Variants in MAML3 observed in about 807,000 individuals in gnomAD.
MAML3 encodes the protein mastermind like transcriptional coactivator 3.
A neutral mutation model predicts 101.9 loss-of-function variants in MAML3; 27 were observed. That is an observed-to-expected ratio of 0.27 (90% confidence interval 0.20 to 0.37). The LOEUF is 0.37. Among genes scored for constraint, MAML3 ranks in the 10% least tolerant of loss-of-function variants. MAML3 has a pLI of 1.00. For synonymous variants in MAML3, 501 were observed against 555.9 expected, an observed-to-expected ratio of 0.90 and a Z score of 1.39; for missense variants, 1,316 against 1,444.9, an observed-to-expected ratio of 0.91 and a Z score of 1.45.
chr4:139,859,988 G>A (rs998997000), intron 2 of MAML3, among the ~76,000 whole-genome samples: 1 of 152,218 alleles, frequency 6.6e-6, no homozygotes, highest in African/African-American at 2.4e-5. Flanking sequence ...CGCGGGAGGG[G>A]CTAGAGGAGC....
intron 2 of MAML3, among the ~76,000 whole-genome samples, chr4:139,859,760 C>T (rs977217418): frequency 7.9e-5 from 12 of 152,184 alleles, no homozygotes; most frequent in Non-Finnish European, 1.6e-4. Flanking sequence ...GGTTAATTAC[C>T]TTGCTTGTAA....
chr4:139,912,650 G>A (rs539414261), intron 1 of MAML3, among the ~76,000 whole-genome samples: 1 of 151,862 alleles, frequency 6.6e-6, no homozygotes, highest in South Asian at 2.1e-4. Flanking sequence ...CTTATAAGAC[G>A]ACAGCCATGT....
intron 2 of MAML3, among the ~76,000 whole-genome samples, chr4:139,837,135 A>AG (rs1553959600): frequency 1.3e-5 from 2 of 150,526 alleles, no homozygotes; most frequent in African/African-American, 2.4e-5. Context: ...AAAAAAAAAA[A>AG]AAAAGAAAAG....
chr4:140,065,761 A>G (rs891443461), intron 1 of MAML3, among the ~76,000 whole-genome samples: 4 of 152,150 alleles, frequency 2.6e-5, no homozygotes, highest in East Asian at 1.9e-4. Context: ...CTATAGACCA[A>G]TTGAATCCAT....
chr4:139,957,636 C>G (rs932835612), intron 1 of MAML3, among the ~76,000 whole-genome samples: 3 of 152,206 alleles, frequency 2.0e-5, no homozygotes, highest in Non-Finnish European at 1.5e-5. Context: ...TCCTGCACAT[C>G]AAGCAAATCT....
chr4:139,890,547 T>A lies in MAML3; in HGVS notation c.889A>T (p.Lys297Ter). The A allele has an allele frequency of 1.2e-6, 2 of 1,614,026 alleles. No individual in the cohort carries two copies. Among genetic ancestry groups the A allele is most frequent in the Non-Finnish European group, 1.7e-6 (2 of 1,179,900 alleles). ...TSETSLSNQNKLFSDINLNDQ... is the reference protein window; with the variant it reads ...TSETSLSNQN ...TTCAGATTAATGTCTGAGAACAGCT[T>A]GTTCTGATTTGAAAGAGATGTTTCT... Residue 297 changes from lysine (K) to a stop codon, truncating the protein, a stop_gained, in exon 2 of 5, where the codon AAG (lysine) becomes TAG (stop). Coordinates refer to ENST00000509479, the MANE Select transcript of MAML3 (RefSeq NM_018717.5). LOFTEE classifies it high-confidence loss of function. This position sits in a 1 kb window ranked among gnomAD's most constrained non-coding sequence, Gnocchi z 4.1.
chr4:140,136,365 T>A (rs1728882460), intron 1 of MAML3, among the ~76,000 whole-genome samples: 2 of 152,132 alleles, frequency 1.3e-5, no homozygotes, highest in African/African-American at 4.8e-5. Context: ...GATACATCCC[T>A]TCCCCTCCTC....
At chr4:139,912,884 A>G (rs761891400) in intron 1 of MAML3, among the ~76,000 whole-genome samples, 1 of 151,050 alleles carries the variant, frequency 6.6e-6, no homozygotes, top group Non-Finnish European at 1.5e-5. Flanking sequence ...GAGACAATCC[A>G]TTTCTAGTGT....
chr4:139,809,864 G>A (rs569027979), intron 2 of MAML3, among the ~76,000 whole-genome samples: 4 of 88,686 alleles, frequency 4.5e-5, no homozygotes, highest in South Asian at 3.6e-4. Context: ...ATACCTGCAC[G>A]TACACACACA....
At position 139,787,635 on chromosome 4, in the gene MAML3, T is replaced by C. The variant is rs149942630; in HGVS notation, c.2080-56968A>G. 2.6e-5 allele frequency among the ~76,000 whole-genome samples: 4 copies of C among 152,376 alleles called. No homozygotes were observed. The East Asian group carries it at 5.8e-4, about 22-fold the overall frequency. The stretch of plus-strand genomic sequence containing the variant: ...CTTAAATTTTCTGTATTATTTTTTA[T>C]TTTAACCCCAAGCATCCTATTGGCT... On this transcript the variant is annotated intron_variant, in intron 2 of 4. Transcript: ENST00000509479.
Position 140,078,066 on chromosome 4 carries a change from T to C in MAML3, c.468+74794A>G, listed in dbSNP as rs561489081. Among the ~76,000 whole-genome samples, 4 of 145,410 alleles carry C rather than the reference T, an allele frequency of 2.8e-5. No individual in the cohort carries two copies. The East Asian group carries it at 8.1e-4, about 29-fold the overall frequency. On this transcript the variant is annotated intron_variant, in intron 1 of 4. Transcript: ENST00000509479. ...AAATAAATAAATAAAGACAGGTTTT[T>C]CTGTTCCCAAACACTTCTGGAAATG...
At chr4:139,908,382 A>T (rs542888481) in intron 1 of MAML3, among the ~76,000 whole-genome samples, 11 of 152,374 alleles carry the variant, frequency 7.2e-5, no homozygotes, top group Admixed American at 2.0e-4. Context: ...TTTAGCTGTA[A>T]CTTGGCTAAG....
chr4:139,864,923 C>CTTGTTTTTTTTTTTTTTTTTTTTTTTT lies in MAML3; in HGVS notation c.2079+24433_2079+24434insAAAAAAAAAAAAAAAAAAAAAAAACAA, dbSNP rs56928318. Among the ~76,000 whole-genome samples, 9 of 62,456 alleles carry CTTGTTTTTTTTTTTTTTTTTTTTTTTT rather than the reference C, an allele frequency of 1.4e-4. 4 individuals carry two copies. Among genetic ancestry groups the CTTGTTTTTTTTTTTTTTTTTTTTTTTT allele is most frequent in the African/African-American group, 3.5e-4 (6 of 17,052 alleles). 41.0% of individuals were successfully genotyped at this position (62,456 alleles called of 152,430 possible). A position where few individuals can be genotyped will look rare whatever the true frequency, so the allele number is the denominator to read the frequency against. On this transcript the variant is annotated intron_variant, in intron 2 of 4. Coordinates refer to ENST00000509479, the MANE Select transcript of MAML3 (RefSeq NM_018717.5). The stretch of plus-strand genomic sequence containing the variant: ...TTAGGAAAATAGTAATGCAAACTTG[C>CTTGTTTTTTTTTTTTTTTTTTTTTTTT]TTTTTTTTTTTTTTTTTTTTTTTTT...
chr4:139,834,030 G>C (rs547319989), intron 2 of MAML3, among the ~76,000 whole-genome samples: 2 of 152,320 alleles, frequency 1.3e-5, no homozygotes, highest in African/African-American at 4.8e-5. Flanking sequence ...CCTGCTTTCA[G>C]TTGACATTAA....
chr4:140,020,498 A>G (rs1252589702), intron 1 of MAML3, among the ~76,000 whole-genome samples: 3 of 152,048 alleles, frequency 2.0e-5, no homozygotes, highest in African/African-American at 7.2e-5. Context: ...GGATTTATTT[A>G]TAATGACTTC....
chr4:140,147,215 T>G (rs1242400430), intron 1 of MAML3, among the ~76,000 whole-genome samples: 3 of 152,008 alleles, frequency 2.0e-5, no homozygotes, highest in Non-Finnish European at 4.4e-5. Context: ...GAATATATAT[T>G]GTCAAAGTCT....
intron 1 of MAML3, among the ~76,000 whole-genome samples, chr4:139,915,764 T>C (rs975175331): frequency 2.0e-5 from 3 of 152,046 alleles, no homozygotes; most frequent in African/African-American, 7.2e-5. Flanking sequence ...ACAGTGAACA[T>C]GCCCTGACCT....
At chr4:140,085,954 C>T (rs1315065252) in intron 1 of MAML3, among the ~76,000 whole-genome samples, 1 of 152,134 alleles carries the variant, frequency 6.6e-6, no homozygotes, top group Admixed American at 6.5e-5. Flanking sequence ...TATGCTTTCC[C>T]CTTTAACTAC....
intron 1 of MAML3, among the ~76,000 whole-genome samples, chr4:139,916,850 A>G (rs1385316721): frequency 6.6e-6 from 1 of 152,226 alleles, no homozygotes; most frequent in Non-Finnish European, 1.5e-5. Flanking sequence ...TTCCTCTCCC[A>G]TTAACAATTT....
Sources: gnomAD v4.1 joint callset for allele counts (sites outside exome capture counted in the v4.1 genomes callset) on GRCh38, gnomAD v4.1.1 for gene constraint, Gnocchi (gnomAD v3.1) non-coding constraint, MANE v1.5 for transcripts, NCBI Gene and HGNC (gene_info 2026-07-23, HGNC 2026-07-21) for gene names.